MORF4L2: variants seen among roughly 807,000 people sequenced by gnomAD.
The protein encoded by MORF4L2 is mortality factor 4-like protein 2.
Under a neutral mutation model 12.0 loss-of-function variants are expected in MORF4L2, and 1 was observed. That is an observed-to-expected ratio of 0.08 (90% confidence interval 0.03 to 0.40). MORF4L2 has a LOEUF of 0.40. Among genes scored for constraint, MORF4L2 ranks in the 10% least tolerant of loss-of-function variants. The pLI is 0.98. For missense variants in MORF4L2, 123 were observed against 214.0 expected (o/e 0.57, Z 2.65); for synonymous variants, 69 against 81.6 (o/e 0.85, Z 0.83).
upstream of MORF4L2, chrX:103,687,580 G>A (rs1253176657): frequency 1.8e-5 from 2 of 112,418 alleles, no homozygotes; most frequent in East Asian, 5.6e-4. Flanking sequence ...CTATTTCTGT[G>A]TTATATTTGA....
chrX:103,677,807 T>C (rs1313657365), intron 3 of MORF4L2, among the ~76,000 whole-genome samples: 1 of 111,627 alleles, frequency 9.0e-6, no homozygotes, highest in Non-Finnish European at 1.9e-5. Flanking sequence ...ATAATGACAG[T>C]TATAGGCACA....
chrX:103,686,707 G>A (rs1001132002), upstream of MORF4L2: 1 of 105,211 alleles, frequency 9.5e-6, no homozygotes, highest in Admixed American at 1.1e-4. Context: ...AGTAAAGCCA[G>A]GTTTCTCTGG....
chrX:103,684,809 A>C (rs1160538371), intron 2 of MORF4L2: 1 of 111,681 alleles, frequency 9.0e-6, no homozygotes, highest in Non-Finnish European at 1.9e-5. Context: ...TATCTTGCCC[A>C]AGATCACATA....
At position 103,678,605 on chromosome X, in the gene MORF4L2, A is replaced by G. The variant is rs1331869923; in HGVS notation, c.-131T>C. 1 of 112,359 alleles carries G rather than the reference A, an allele frequency of 8.9e-6. No homozygotes were observed. The highest frequency in any genetic ancestry group is 1.9e-5 in the Non-Finnish European group (1 of 53,237). The allele number at this position is 112,359 out of a possible 1,213,427, so 9.3% of individuals were successfully genotyped here. On this transcript the variant is annotated 5_prime_UTR_variant, in exon 3 of 4. Coordinates refer to ENST00000441076, the MANE Select transcript of MORF4L2 (RefSeq NM_012286.3). Reference sequence around the variant, plus strand: ...GGGTGAAGTGGGAGATACAACCTAGAAAGAAAGGCAGGTATCTGCAATGAA... The same window carrying G: ...GGGTGAAGTGGGAGATACAACCTAGGAAGAAAGGCAGGTATCTGCAATGAA...
At chrX:103,681,623 T>C (rs1469041509) in intron 2 of MORF4L2, among the ~76,000 whole-genome samples, 1 of 111,987 alleles carries the variant, frequency 8.9e-6, no homozygotes, top group Admixed American at 9.5e-5. Flanking sequence ...TAGAACACTC[T>C]CAATACACTG....
At chrX:103,679,448 G>A (rs1347633236) in intron 2 of MORF4L2, among the ~76,000 whole-genome samples, 2 of 108,951 alleles carry the variant, frequency 1.8e-5, no homozygotes, top group Non-Finnish European at 3.8e-5. Flanking sequence ...GAACCCGAGA[G>A]GCAGAGGTTG....
In MORF4L2 at chrX:103,683,889, C is replaced by G. The variant is rs985445573; in HGVS notation, c.-178+1282G>C. On this transcript the variant is annotated intron_variant, in intron 2 of 3. Coordinates refer to ENST00000441076, the MANE Select transcript of MORF4L2 (RefSeq NM_012286.3). Reference sequence around the variant, plus strand: ...TCCCTGTTGGCTTAACAGTCCACCCCTTACCTTTGGCCCCTAATCATTCTC... The same window carrying G: ...TCCCTGTTGGCTTAACAGTCCACCCGTTACCTTTGGCCCCTAATCATTCTC... Among the ~76,000 whole-genome samples the G allele has an allele frequency of 5.4e-5, 6 of 110,829 alleles. No individual in the cohort carries two copies. In the South Asian group the frequency reaches 1.2e-3, roughly 21 times the overall value.
upstream of MORF4L2, chrX:103,687,430 C>T (rs1455363881): frequency 8.9e-6 from 1 of 112,146 alleles, no homozygotes. Flanking sequence ...GTGAGCGGCC[C>T]TCGTGGCTCG....
chrX:103,686,080 C>T (rs2074097276), intron 1 of MORF4L2, among the ~76,000 whole-genome samples: 1 of 107,179 alleles, frequency 9.3e-6, no homozygotes, highest in South Asian at 4.1e-4. Context: ...GCATGTGGTT[C>T]ATCTCCAGCT....
intron 2 of MORF4L2, among the ~76,000 whole-genome samples, chrX:103,679,596 TTG>T (rs1231017500): frequency 9.2e-6 from 1 of 109,258 alleles, no homozygotes; most frequent in African/African-American, 3.3e-5. Flanking sequence ...GTGCTGTCAT[TTG>T]TGTGTGTGTT....
chrX:103,680,297 G>A (rs1288270924), intron 2 of MORF4L2, among the ~76,000 whole-genome samples: 1 of 112,916 alleles, frequency 8.9e-6, no homozygotes, highest in Non-Finnish European at 1.9e-5. Context: ...CTTTCACTAA[G>A]CAAACAATAT....
At chrX:103,686,790 G>A (rs1005928917), upstream of MORF4L2, 1 of 111,964 alleles carries the variant, frequency 8.9e-6, no homozygotes, top group African/African-American at 3.3e-5. Context: ...CAATCGTCTT[G>A]TCTAAGTTTT....
Position 103,676,026 on chromosome X carries a change from G to C in MORF4L2, c.*135C>G, listed in dbSNP as rs2073839485. On this transcript the variant is annotated 3_prime_UTR_variant, in exon 4 of 4. Transcript: ENST00000441076. ...CTCCTTTTATTTTCTGTTTAAAACA[G>C]AACGGAAAACAAACTGAAACATAAG... The C allele has an allele frequency of 2.9e-6, 2 of 693,139 alleles. No individual in the cohort carries two copies. The highest frequency in any genetic ancestry group is 6.8e-5 in the East Asian group (2 of 29,621). 57.1% of individuals were successfully genotyped at this position (693,139 alleles called of 1,213,427 possible).
chrX:103,682,636 GA>G (rs2074011247), intron 2 of MORF4L2, among the ~76,000 whole-genome samples: 1 of 111,928 alleles, frequency 8.9e-6, no homozygotes, highest in South Asian at 3.7e-4. Flanking sequence ...TATCGTATAT[GA>G]ATATTTTTGT....
intron 1 of MORF4L2, among the ~76,000 whole-genome samples, chrX:103,686,133 C>G (rs1039849531): frequency 9.6e-6 from 1 of 104,131 alleles, no homozygotes; most frequent in Admixed American, 1.0e-4. Context: ...CTCCCCCCCC[C>G]CCCACCTTTT....
intron 2 of MORF4L2, among the ~76,000 whole-genome samples, chrX:103,681,538 G>C (rs1480022620): frequency 1.8e-5 from 2 of 111,463 alleles, no homozygotes; most frequent in Non-Finnish European, 3.8e-5. Context: ...AAAACATTTT[G>C]TGTAAACATT....
chrX:103,680,920 T>C (rs1461656542), intron 2 of MORF4L2, among the ~76,000 whole-genome samples: 1 of 112,109 alleles, frequency 8.9e-6, no homozygotes, highest in African/African-American at 3.2e-5. Context: ...AAAGCCCATC[T>C]TGGGGCTCAT....
intron 1 of MORF4L2, chrX:103,685,535 C>T (rs773214624): frequency 1.8e-5 from 2 of 111,628 alleles, no homozygotes; most frequent in Middle Eastern, 4.6e-3. Context: ...TAAACCTACA[C>T]GAATCCATCA....
intron 2 of MORF4L2, among the ~76,000 whole-genome samples, chrX:103,680,123 T>G (rs981649584): frequency 9.0e-6 from 1 of 111,237 alleles, no homozygotes; most frequent in Non-Finnish European, 1.9e-5. Context: ...GAGATGGAGG[T>G]TGCAGTGAGC....
Sources: allele counts gnomAD v4.1 joint callset (sites outside exome capture counted in the v4.1 genomes callset), GRCh38; gene constraint gnomAD v4.1.1; transcripts MANE v1.5; gene names NCBI Gene and HGNC (gene_info 2026-07-23, HGNC 2026-07-21).